Variants in SYNPR observed in about 807,000 individuals in gnomAD.
SYNPR encodes synaptoporin.
SYNPR carries 23 observed loss-of-function variants against 32.9 expected under a neutral mutation model. That is an observed-to-expected ratio of 0.70 (90% CI 0.50 to 0.99). SYNPR has a LOEUF of 0.99. Ranked by LOEUF, SYNPR falls within the 50% of genes least tolerant of loss-of-function variation. The pLI, the probability that SYNPR is intolerant of heterozygous loss-of-function variation, is 0.00. For synonymous variants in SYNPR, 146 were observed against 135.9 expected, an observed-to-expected ratio of 1.07 and a Z score of -0.52; for missense variants, 318 against 349.3, an observed-to-expected ratio of 0.91 and a Z score of 0.71.
chr3:63,314,008 TATA>T (rs2087011831), intron 2 of SYNPR, among the ~76,000 whole-genome samples: 1 of 25,156 alleles, frequency 4.0e-5, no homozygotes, highest in African/African-American at 1.5e-4. Flanking sequence ...TATATATCCA[TATA>T]TATATATCCA....
chr3:63,427,597 A>C (rs1699916127), intron 2 of SYNPR: 1 of 152,266 alleles, frequency 6.6e-6, no homozygotes, highest in Admixed American at 6.5e-5. Flanking sequence ...AGGAGACAGA[A>C]GCTTCGTATT....
chr3:63,509,438 T>C (rs1193087495), intron 3 of SYNPR, among the ~76,000 whole-genome samples: 2 of 152,024 alleles, frequency 1.3e-5, no homozygotes, highest in Admixed American at 1.3e-4. Context: ...AAGGAAGTTC[T>C]AATATCTCTT....
chr3:63,440,102 G>C (rs1463525538), intron 2 of SYNPR, among the ~76,000 whole-genome samples: 2 of 152,194 alleles, frequency 1.3e-5, no homozygotes, highest in African/African-American at 4.8e-5. Flanking sequence ...AATTACTGGA[G>C]AAAGTGAAAG....
upstream of SYNPR, among the ~76,000 whole-genome samples, chr3:63,227,490 C>G (rs547001198): frequency 1.1e-4 from 17 of 152,240 alleles, no homozygotes; most frequent in Middle Eastern, 6.8e-3. Flanking sequence ...ACTACGGTCA[C>G]TTAATCTAAA....
At chr3:63,247,909 G>T (rs928580992) in intron 1 of SYNPR, among the ~76,000 whole-genome samples, 1 of 152,126 alleles carries the variant, frequency 6.6e-6, no homozygotes, top group African/African-American at 2.4e-5. Flanking sequence ...AAAACATGGG[G>T]CAGAGAATCA....
chr3:63,305,794 G>T (rs1325215189), intron 2 of SYNPR, among the ~76,000 whole-genome samples: 6 of 151,912 alleles, frequency 3.9e-5, no homozygotes, highest in African/African-American at 1.4e-4. Flanking sequence ...AGCCCTTCTT[G>T]CATATCCTAG....
At chr3:63,499,830 T>G (rs530605855) in intron 3 of SYNPR, among the ~76,000 whole-genome samples, 1 of 152,098 alleles carries the variant, frequency 6.6e-6, no homozygotes, top group East Asian at 1.9e-4. Flanking sequence ...ACAGGCACAC[T>G]GAGGACCACC....
intron 5 of SYNPR, among the ~76,000 whole-genome samples, chr3:63,610,844 T>A (rs1012525397): frequency 5.9e-5 from 9 of 152,322 alleles, no homozygotes; most frequent in African/African-American, 1.9e-4. Flanking sequence ...ATATATCTAA[T>A]AATTTTTAGA....
chr3:63,349,005 T>C (rs2087472132), intron 2 of SYNPR, among the ~76,000 whole-genome samples: 1 of 152,216 alleles, frequency 6.6e-6, no homozygotes, highest in South Asian at 2.1e-4. Context: ...CTCTTTTTAG[T>C]TCCATATGAA....
At chr3:63,208,504 C>T in the SYNPR span, among the ~76,000 whole-genome samples, 5 of 152,174 alleles carry the variant, frequency 3.3e-5, no homozygotes, top group African/African-American at 1.2e-4. Flanking sequence ...TCTGGTTTGT[C>T]CTCTAGGAAA....
intron 2 of SYNPR, among the ~76,000 whole-genome samples, chr3:63,351,113 G>C (rs1001105816): frequency 3.3e-5 from 5 of 152,040 alleles, no homozygotes; most frequent in South Asian, 2.1e-4. Flanking sequence ...ATCTTCGTTG[G>C]TTTTACAGGA....
In SYNPR at chr3:63,516,857, T is replaced by C. The variant is rs187599538; in HGVS notation, c.209+35901T>C. Among the ~76,000 whole-genome samples, 28 of 152,284 alleles carry C rather than the reference T, an allele frequency of 1.8e-4. No homozygotes were observed. In the East Asian group the frequency reaches 5.0e-3, roughly 27 times the overall value. On this transcript the variant is annotated intron_variant, in intron 3 of 5. Coordinates refer to ENST00000478300, the MANE Select transcript of SYNPR (RefSeq NM_001130003.2). ...AACTTTTCTCTTGCTTTACATGTGG[T>C]TCATGTTTTCATTAGAATCCTTGAT... is the stretch of plus-strand genomic sequence containing the variant.
chr3:63,581,242 G>C (rs1245359010), intron 4 of SYNPR, among the ~76,000 whole-genome samples: 1 of 152,122 alleles, frequency 6.6e-6, no homozygotes, highest in African/African-American at 2.4e-5. Context: ...TTCATAAACT[G>C]CATCAAGGGA....
chr3:63,443,899 C>T (rs1405191297), intron 2 of SYNPR, among the ~76,000 whole-genome samples: 1 of 152,190 alleles, frequency 6.6e-6, no homozygotes, highest in Non-Finnish European at 1.5e-5. Context: ...ACTCCATATA[C>T]AGCTACCAAA....
chr3:63,464,299 C>T (rs1302384589), intron 2 of SYNPR, among the ~76,000 whole-genome samples: 1 of 152,166 alleles, frequency 6.6e-6, no homozygotes, highest in African/African-American at 2.4e-5. Context: ...AATTTACAAA[C>T]ACTCCCACTG....
At chr3:63,579,304 G>A (rs1703048002) in intron 4 of SYNPR, among the ~76,000 whole-genome samples, 1 of 152,070 alleles carries the variant, frequency 6.6e-6, no homozygotes, top group African/African-American at 2.4e-5. Context: ...CTGCCTGGAA[G>A]GCTCTTCCCC....
intron 2 of SYNPR, among the ~76,000 whole-genome samples, chr3:63,330,874 T>C (rs959647240): frequency 6.6e-6 from 1 of 152,156 alleles, no homozygotes; most frequent in Admixed American, 6.5e-5. Context: ...CACCTCATTA[T>C]AGAATCGTGT....
intron 3 of SYNPR, among the ~76,000 whole-genome samples, chr3:63,487,913 C>A (rs943300116): frequency 5.3e-5 from 8 of 152,118 alleles, no homozygotes; most frequent in African/African-American, 1.9e-4. Flanking sequence ...GCCAGTGCTG[C>A]TCAGCTGGGC....
intron 2 of SYNPR, among the ~76,000 whole-genome samples, chr3:63,468,854 G>A (rs1272449098): frequency 6.6e-6 from 1 of 152,058 alleles, no homozygotes; most frequent in Non-Finnish European, 1.5e-5. Flanking sequence ...GATAATGGAT[G>A]CTGTGCTTAT....
Sources: gnomAD v4.1 joint callset for allele counts (sites outside exome capture counted in the v4.1 genomes callset) on GRCh38, gnomAD v4.1.1 for gene constraint, MANE v1.5 for transcripts, NCBI Gene and HGNC (gene_info 2026-07-23, HGNC 2026-07-21) for gene names.